SMARCA2: variants seen among roughly 807,000 people sequenced by gnomAD.
SMARCA2 encodes SWI/SNF related BAF chromatin remodeling complex subunit ATPase 2.
A neutral mutation model predicts 199.8 loss-of-function variants in SMARCA2; 61 were observed. The ratio of observed to expected loss-of-function variants is 0.31; its 90% confidence interval spans 0.25 to 0.38. The LOEUF (loss-of-function observed/expected upper bound fraction) is 0.38, where lower values mean the gene tolerates loss of function less well. SMARCA2 is among the 10% of genes least tolerant of loss of function. The pLI is 1.00. For synonymous variants in SMARCA2, 935 were observed against 732.0 expected (o/e 1.28, Z -4.48); for missense variants, 1,344 against 2,012.2 (o/e 0.67, Z 6.35).
At chr9:2,077,404 G>A (rs370299190) in intron 13 of SMARCA2, among the ~76,000 whole-genome samples, 2 of 152,030 alleles carry the variant, frequency 1.3e-5, no homozygotes, top group East Asian at 1.9e-4. Flanking sequence ...TCTAAGCCTC[G>A]GGTTCTCCAC....
At chr9:2,101,489 G>A (rs1822512489) in intron 21 of SMARCA2, 81 bp from the exon 22 acceptor site, 2 of 711,864 alleles carry the variant, frequency 2.8e-6, no homozygotes, top group Non-Finnish European at 4.6e-6. Flanking sequence ...GAAATAGGTA[G>A]GATAACCTCA....
intron 8 of SMARCA2, among the ~76,000 whole-genome samples, chr9:2,059,990 A>T (rs1026890011): frequency 3.3e-5 from 5 of 151,916 alleles, no homozygotes; most frequent in Admixed American, 6.6e-5. Flanking sequence ...TAACCTCATC[A>T]TGTTGCTTAA....
intron 22 of SMARCA2, among the ~76,000 whole-genome samples, chr9:2,102,968 T>G (rs1164347268): frequency 6.6e-6 from 1 of 151,850 alleles, no homozygotes; most frequent in Non-Finnish European, 1.5e-5. Flanking sequence ...CCTGTTTTTT[T>G]TTTTTTTTTA....
chr9:2,103,043 G>A (rs1345272951), intron 22 of SMARCA2, among the ~76,000 whole-genome samples: 2 of 150,102 alleles, frequency 1.3e-5, no homozygotes, highest in African/African-American at 4.9e-5. Context: ...TCCTCTCCCT[G>A]GAATCTCCTC....
In SMARCA2 at chr9:2,084,066, ATTTTT is replaced by A; in HGVS notation, c.2416-17_2416-13del. On this transcript the variant is annotated splice_polypyrimidine_tract_variant and intron_variant, in intron 16 of 33. Transcript: ENST00000349721. ...TATATGTCCATAGGATCATGCATGTATTTTTTTCTTTCCATTCAGGGTACTCCTGC... is the reference window on the plus strand; with the variant it reads ...TATATGTCCATAGGATCATGCATGTATTCTTTCCATTCAGGGTACTCCTGC... The A allele has an allele frequency of 7.2e-7, 1 of 1,387,980 alleles. No homozygotes were observed. The highest frequency in any genetic ancestry group is 1.0e-6 in the Non-Finnish European group (1 of 975,898). The allele number at this position is 1,387,980 out of a possible 1,614,324, so 86.0% of individuals were successfully genotyped here. A position where few individuals can be genotyped will look rare whatever the true frequency, so the allele number is the denominator to read the frequency against.
chr9:2,032,883 T>A, intron 2 of SMARCA2, 69 bp from the exon 3 acceptor site: 2 of 1,429,436 alleles, frequency 1.4e-6, no homozygotes. Flanking sequence ...TAGGAAGGGG[T>A]CTGAAAACTC....
intron 31 of SMARCA2, among the ~76,000 whole-genome samples, chr9:2,182,934 G>C (rs1053549014): frequency 3.3e-5 from 5 of 151,966 alleles, no homozygotes; most frequent in Admixed American, 6.5e-5. Context: ...GGGATTACAG[G>C]CATGCGCCAC....
intron 23 of SMARCA2, among the ~76,000 whole-genome samples, chr9:2,108,970 C>T (rs766131761): frequency 6.6e-6 from 1 of 152,100 alleles, no homozygotes; most frequent in Non-Finnish European, 1.5e-5. Context: ...GCCCCCAGAC[C>T]CCTCATTTCT....
intron 23 of SMARCA2, among the ~76,000 whole-genome samples, chr9:2,109,341 T>C (rs1048230073): frequency 9.2e-5 from 14 of 152,172 alleles, no homozygotes; most frequent in African/African-American, 3.4e-4. Flanking sequence ...TGTTTTTTTT[T>C]TCTCCCCTTC....
At chr9:2,149,287 G>A (rs888667996) in intron 27 of SMARCA2, among the ~76,000 whole-genome samples, 5 of 151,210 alleles carry the variant, frequency 3.3e-5, no homozygotes, top group African/African-American at 1.2e-4. Flanking sequence ...GGAGGCTGAG[G>A]CAGGTGGATC....
At chr9:2,042,083 A>G (rs3793482) in intron 4 of SMARCA2, 20,946 of 152,270 alleles carry the variant, frequency 0.14, 1,878 homozygotes, top group Middle Eastern at 0.29. Context: ...CTGTGTACCA[A>G]GATGCAAGCA....
intron 3 of SMARCA2, among the ~76,000 whole-genome samples, chr9:2,033,855 C>T (rs575497444): frequency 6.6e-6 from 1 of 152,312 alleles, no homozygotes; most frequent in South Asian, 2.1e-4. Flanking sequence ...GTGTGTCTGT[C>T]TGTGTCCAGA....
Position 2,130,355 on chromosome 9 carries a change from G to A in SMARCA2, c.3981+6418G>A, listed in dbSNP as rs576792274. ...GAGAATCCCGGTCCTCGGCCTTGTC[G>A]TGGCCGAGTGGTTAAGGCGATAGAT... On this transcript the variant is annotated intron_variant, in intron 27 of 33. Coordinates refer to ENST00000349721, the MANE Select transcript of SMARCA2 (RefSeq NM_003070.5). 1.1e-4 allele frequency among the ~76,000 whole-genome samples: 16 copies of A among 152,268 alleles called. No homozygotes were observed. The East Asian group carries it at 1.5e-3, about 15-fold the overall frequency.
At chr9:2,028,487 CA>C (rs1444183429) in intron 1 of SMARCA2, among the ~76,000 whole-genome samples, 4 of 152,148 alleles carry the variant, frequency 2.6e-5, no homozygotes, top group African/African-American at 9.7e-5. Flanking sequence ...CTTTCATTCT[CA>C]AATTAGAAGA....
intron 31 of SMARCA2, among the ~76,000 whole-genome samples, chr9:2,183,111 AGAG>A (rs1586808985): frequency 6.6e-6 from 1 of 152,184 alleles, no homozygotes; most frequent in Non-Finnish European, 1.5e-5. Flanking sequence ...TATTCTAATT[AGAG>A]GAGGGATTCA....
chr9:2,112,377 A>T (rs1823043621), intron 24 of SMARCA2, among the ~76,000 whole-genome samples: 1 of 152,182 alleles, frequency 6.6e-6, no homozygotes, highest in Non-Finnish European at 1.5e-5. Context: ...CTGGCACAGT[A>T]TACAGTATAA....
chr9:2,025,613 G>C (rs1209913556), intron 1 of SMARCA2, among the ~76,000 whole-genome samples: 4 of 152,210 alleles, frequency 2.6e-5, no homozygotes, highest in Admixed American at 1.3e-4. Flanking sequence ...GGGGTAGAGA[G>C]TCCAGGGGAT....
chr9:2,151,524 G>A (rs1825079801), intron 27 of SMARCA2, among the ~76,000 whole-genome samples: 1 of 151,850 alleles, frequency 6.6e-6, no homozygotes, highest in Admixed American at 6.6e-5. Flanking sequence ...CTGAGGCCAC[G>A]AATTTGAGAC....
intron 5 of SMARCA2, among the ~76,000 whole-genome samples, chr9:2,052,719 A>T (rs1025031699): frequency 6.6e-6 from 1 of 152,164 alleles, no homozygotes; most frequent in Non-Finnish European, 1.5e-5. Flanking sequence ...TAGGTTTTTT[A>T]AAAAATCACT....
Sources: gnomAD v4.1 joint callset for allele counts (sites outside exome capture counted in the v4.1 genomes callset) on GRCh38, gnomAD v4.1.1 for gene constraint, MANE v1.5 for transcripts, NCBI Gene and HGNC (gene_info 2026-07-23, HGNC 2026-07-21) for gene names.